ARL15: variants seen among roughly 807,000 people sequenced by gnomAD.
ARL15 encodes ADP-ribosylation factor-like protein 15.
ARL15 carries 19 observed loss-of-function variants against 25.2 expected under a neutral mutation model. The ratio of observed to expected loss-of-function variants is 0.75; its 90% CI spans 0.53 to 1.10. The LOEUF (loss-of-function observed/expected upper bound fraction) is 1.10, where lower values mean the gene tolerates loss of function less well. ARL15 is among the 50% of genes least tolerant of loss of function. The pLI, the probability that ARL15 is intolerant of heterozygous loss-of-function variation, is 0.00. For missense variants in ARL15, 220 were observed against 246.0 expected (o/e 0.89, Z 0.71); for synonymous variants, 94 against 86.8 (o/e 1.08, Z -0.46).
intron 1 of ARL15, among the ~76,000 whole-genome samples, chr5:54,291,948 C>A (rs1758327741): frequency 6.6e-6 from 1 of 152,202 alleles, no homozygotes; most frequent in Non-Finnish European, 1.5e-5. Context: ...ATCTGATACC[C>A]CAACCTCTGA....
chr5:54,309,109 C>T (rs192438137), intron 1 of ARL15, among the ~76,000 whole-genome samples: 43 of 152,208 alleles, frequency 2.8e-4, no homozygotes, highest in African/African-American at 9.9e-4. Flanking sequence ...TCAGATAATC[C>T]CCGTAACCAG....
At chr5:54,263,436 C>T (rs1036506157) in intron 1 of ARL15, among the ~76,000 whole-genome samples, 1 of 151,990 alleles carries the variant, frequency 6.6e-6, no homozygotes, top group African/African-American at 2.4e-5. Flanking sequence ...AAAAGGGAAT[C>T]ACATAATTTA....
chr5:54,276,539 C>A (rs1053857655), intron 1 of ARL15, among the ~76,000 whole-genome samples: 1 of 152,192 alleles, frequency 6.6e-6, no homozygotes, highest in Admixed American at 6.5e-5. Flanking sequence ...GGCCTAAGAT[C>A]GTACTAAGGT....
intron 3 of ARL15, among the ~76,000 whole-genome samples, chr5:54,148,326 C>T (rs1367233641): frequency 6.6e-6 from 1 of 152,108 alleles, no homozygotes; most frequent in East Asian, 1.9e-4. Context: ...TTCCTCCAGG[C>T]AAACAAAGAA....
chr5:54,148,693 A>G (rs1579848557), intron 3 of ARL15, among the ~76,000 whole-genome samples: 1 of 152,138 alleles, frequency 6.6e-6, no homozygotes, highest in Admixed American at 6.5e-5. Flanking sequence ...CAAAGAGAAC[A>G]TTGGGTAAGG....
At chr5:54,110,724 A>G (rs867494749) in intron 4 of ARL15, among the ~76,000 whole-genome samples, 1 of 152,044 alleles carries the variant, frequency 6.6e-6, no homozygotes, top group African/African-American at 2.4e-5. Flanking sequence ...CGTTATCTAA[A>G]TACATTTCTA....
At chr5:53,897,099 G>A (rs983404427) in intron 4 of ARL15, among the ~76,000 whole-genome samples, 1 of 152,008 alleles carries the variant, frequency 6.6e-6, no homozygotes, top group Non-Finnish European at 1.5e-5. Flanking sequence ...CTGATAATTT[G>A]TATACTATAA....
chr5:54,299,620 T>G (rs1758563227), intron 1 of ARL15, among the ~76,000 whole-genome samples: 1 of 129,058 alleles, frequency 7.7e-6, no homozygotes, highest in African/African-American at 3.0e-5. Flanking sequence ...AGATGGAGTC[T>G]CGCTCTGTCG....
chr5:54,053,231 CAACAACAACA>C (rs1750752594), intron 4 of ARL15, among the ~76,000 whole-genome samples: 1 of 149,622 alleles, frequency 6.7e-6, no homozygotes, highest in Non-Finnish European at 1.5e-5. Flanking sequence ...CCAAAAACAA[CAACAACAACA>C]AACAACAACA....
chr5:53,928,540 T>C (rs1460598348), intron 4 of ARL15, among the ~76,000 whole-genome samples: 2 of 152,204 alleles, frequency 1.3e-5, no homozygotes, highest in African/African-American at 2.4e-5. Flanking sequence ...GGCTCCATTC[T>C]GAGGACTTTT....
intron 1 of ARL15, among the ~76,000 whole-genome samples, chr5:54,258,185 T>A (rs763547852): frequency 6.5e-4 from 86 of 132,370 alleles, no homozygotes; most frequent in Middle Eastern, 3.7e-3. Flanking sequence ...AAAAAAAAAA[T>A]TTATGAGTGA....
intron 4 of ARL15, among the ~76,000 whole-genome samples, chr5:54,027,093 T>C (rs1428321658): frequency 1.3e-5 from 2 of 152,232 alleles, no homozygotes; most frequent in Non-Finnish European, 2.9e-5. Context: ...TCATTTTAAA[T>C]GAGTGGGTTT....
intron 4 of ARL15, among the ~76,000 whole-genome samples, chr5:53,898,649 G>A (rs1744952201): frequency 6.7e-6 from 1 of 150,278 alleles, no homozygotes; most frequent in Non-Finnish European, 1.5e-5. Context: ...GGTTCCACCC[G>A]CTGCCCCCCC....
intron 4 of ARL15, among the ~76,000 whole-genome samples, chr5:53,959,471 T>C (rs1221453506): frequency 6.6e-6 from 1 of 152,108 alleles, no homozygotes; most frequent in African/African-American, 2.4e-5. Context: ...GATCAATATA[T>C]CTATATTAAG....
chr5:54,228,859 G>A (rs559560352), intron 1 of ARL15, among the ~76,000 whole-genome samples: 114 of 152,278 alleles, frequency 7.5e-4, no homozygotes, highest in Middle Eastern at 3.4e-3. Context: ...AAGAAGCTGA[G>A]CATTTTTAAA....
At chr5:54,164,895 C>T (rs1051192603) in intron 2 of ARL15, among the ~76,000 whole-genome samples, 7 of 151,952 alleles carry the variant, frequency 4.6e-5, no homozygotes, top group African/African-American at 1.2e-4. Context: ...GACTGTATCA[C>T]CTTTCTACTT....
At chr5:53,918,092 CA>C (rs1195855204) in intron 4 of ARL15, among the ~76,000 whole-genome samples, 1 of 152,070 alleles carries the variant, frequency 6.6e-6, no homozygotes, top group Non-Finnish European at 1.5e-5. Flanking sequence ...ACTAGATGCC[CA>C]AGTGTATAAC....
Position 53,928,961 on chromosome 5 carries a change from T to C in ARL15, c.463-42248A>G, listed in dbSNP as rs28554047. 3.9e-3 allele frequency among the ~76,000 whole-genome samples: 597 copies of C among 152,338 alleles called. 5 individuals are homozygous for C. Among genetic ancestry groups the C allele is most frequent in the African/African-American group, 0.013 (561 of 41,580 alleles). ...AGACTAATGAATTTGCCAGTTTGTA[T>C]AGGGCCCACGTATTTATACTTTAGC... On this transcript the variant is annotated intron_variant, in intron 4 of 4. Transcript: ENST00000504924.
At chr5:54,106,789 G>A (rs1047949560) in intron 4 of ARL15, among the ~76,000 whole-genome samples, 13 of 152,110 alleles carry the variant, frequency 8.5e-5, no homozygotes, top group South Asian at 2.1e-4. Flanking sequence ...TAAACAAGCC[G>A]TAATTCCTGT....
Sources: gnomAD v4.1 joint callset for allele counts (sites outside exome capture counted in the v4.1 genomes callset) on GRCh38, gnomAD v4.1.1 for gene constraint, MANE v1.5 for transcripts, NCBI Gene and HGNC (gene_info 2026-07-23, HGNC 2026-07-21) for gene names.